The following RBFOX1 variants were observed in gnomAD, a reference collection of about 807,000 sequenced individuals.
RBFOX1 encodes the protein RNA binding fox-1 homolog 1, also known as RNA binding protein fox-1 homolog 1.
In RBFOX1, 8 loss-of-function variants were observed where a neutral mutation model predicts 57.7. That is an observed-to-expected ratio of 0.14 (90% CI 0.08 to 0.25). The LOEUF is 0.25. RBFOX1 is among the 10% of genes least tolerant of loss of function. The pLI is 1.00. For synonymous variants in RBFOX1, 326 were observed against 222.4 expected (o/e 1.47, Z -4.15); for missense variants, 611 against 548.5 (o/e 1.11, Z -1.14).
intron 3 of RBFOX1, among the ~76,000 whole-genome samples, chr16:7,049,601 C>A (rs1568538636): frequency 6.6e-6 from 1 of 152,132 alleles, no homozygotes; most frequent in Non-Finnish European, 1.5e-5. Context: ...CCCTTGGCTA[C>A]CTTGCACCCA....
chr16:7,552,962 T>A (rs1021051031), intron 5 of RBFOX1, among the ~76,000 whole-genome samples: 2 of 151,140 alleles, frequency 1.3e-5, no homozygotes, highest in African/African-American at 4.9e-5. Context: ...GGATTACAGG[T>A]GTGAGCCACT....
At chr16:6,974,130 G>T (rs2086225708) in intron 3 of RBFOX1, among the ~76,000 whole-genome samples, 1 of 152,020 alleles carries the variant, frequency 6.6e-6, no homozygotes, top group South Asian at 2.1e-4. Context: ...TGGCTGCATA[G>T]AATTCCGTGG....
intron 1 of RBFOX1, among the ~76,000 whole-genome samples, chr16:6,206,288 G>A (rs1446329867): frequency 3.3e-5 from 5 of 151,964 alleles, no homozygotes; most frequent in Admixed American, 6.6e-5. Flanking sequence ...TACCTGGGCC[G>A]CTCTTTCCTG....
intron 11 of RBFOX1, among the ~76,000 whole-genome samples, chr16:7,646,929 T>TGGAGGTG (rs886640209): frequency 4.6e-5 from 7 of 151,956 alleles, no homozygotes; most frequent in African/African-American, 1.7e-4. Context: ...CAGGGCTCAT[T>TGGAGGTG]GGAGGTGGGA....
At chr16:7,501,967 C>T (rs537345515) in intron 4 of RBFOX1, among the ~76,000 whole-genome samples, 1 of 152,190 alleles carries the variant, frequency 6.6e-6, no homozygotes, top group Non-Finnish European at 1.5e-5. Context: ...TACTCAATAC[C>T]TAACTCCTGA....
intron 3 of RBFOX1, among the ~76,000 whole-genome samples, chr16:6,930,717 C>G (rs1027175509): frequency 4.6e-5 from 7 of 152,070 alleles, no homozygotes; most frequent in Non-Finnish European, 7.4e-5. Context: ...GCCTAATTCC[C>G]CGTTTTTAAA....
intron 3 of RBFOX1, among the ~76,000 whole-genome samples, chr16:5,709,186 A>C (rs2051360937): frequency 6.6e-6 from 1 of 152,170 alleles, no homozygotes; most frequent in Non-Finnish European, 1.5e-5. Context: ...GGCTCCAGTG[A>C]GAGATAGATT....
chr16:6,076,332 G>T (rs183328613), intron 1 of RBFOX1, among the ~76,000 whole-genome samples: 31 of 148,366 alleles, frequency 2.1e-4, no homozygotes, highest in South Asian at 6.4e-4. Flanking sequence ...ACAAACACAC[G>T]CGCACACACA....
At chr16:6,337,383 A>C (rs2083913660) in intron 2 of RBFOX1, among the ~76,000 whole-genome samples, 1 of 152,216 alleles carries the variant, frequency 6.6e-6, no homozygotes, top group Non-Finnish European at 1.5e-5. Context: ...CATCAACCTG[A>C]AAAGCCAAAG....
At chr16:5,372,965 A>G (rs189084863) in intron 1 of RBFOX1, among the ~76,000 whole-genome samples, 3 of 152,344 alleles carry the variant, frequency 2.0e-5, no homozygotes, top group Non-Finnish European at 2.9e-5. Flanking sequence ...CTTTCCAGAC[A>G]CAGGCTAGCT....
chr16:5,936,701 C>T (rs1043134101), intron 4 of RBFOX1, among the ~76,000 whole-genome samples: 6 of 152,206 alleles, frequency 3.9e-5, no homozygotes. Context: ...CTTCCTACCT[C>T]ACCTAAATCA....
At chr16:7,084,002 C>T (rs1179318741) in intron 4 of RBFOX1, among the ~76,000 whole-genome samples, 2 of 152,088 alleles carry the variant, frequency 1.3e-5, no homozygotes, top group Non-Finnish European at 2.9e-5. Flanking sequence ...TACCCTGTGA[C>T]CTGTTAAAGG....
At chr16:6,048,929 A>G (rs942919318) in intron 1 of RBFOX1, among the ~76,000 whole-genome samples, 2 of 151,950 alleles carry the variant, frequency 1.3e-5, no homozygotes, top group African/African-American at 4.8e-5. Flanking sequence ...AGTTCTAGCT[A>G]TAGCATGACT....
At chr16:7,430,145 A>G (rs17143669) in intron 4 of RBFOX1, among the ~76,000 whole-genome samples, 5,742 of 152,304 alleles carry the variant, frequency 0.038, 156 homozygotes, top group African/African-American at 0.078. Context: ...CAACCAAATG[A>G]GCTTATCATT....
At chr16:5,685,621 G>A (rs567378950) in intron 3 of RBFOX1, among the ~76,000 whole-genome samples, 3 of 152,258 alleles carry the variant, frequency 2.0e-5, no homozygotes, top group African/African-American at 4.8e-5. Context: ...TTTCATATAA[G>A]TTAATCCATT....
intron 3 of RBFOX1, among the ~76,000 whole-genome samples, chr16:6,697,148 G>A (rs182625992): frequency 1.3e-5 from 2 of 152,146 alleles, no homozygotes; most frequent in Non-Finnish European, 2.9e-5. Flanking sequence ...GGATTGACTA[G>A]AGAAATAGGG....
intron 3 of RBFOX1, among the ~76,000 whole-genome samples, chr16:5,614,716 A>G (rs2047956480): frequency 6.6e-6 from 1 of 152,226 alleles, no homozygotes; most frequent in African/African-American, 2.4e-5. Flanking sequence ...CAGGAAGAAG[A>G]CACATTTATT....
chr16:6,673,944 G>T (rs1410413712), intron 3 of RBFOX1, among the ~76,000 whole-genome samples: 2 of 152,266 alleles, frequency 1.3e-5, no homozygotes, highest in East Asian at 3.9e-4. Context: ...GAATGGATCT[G>T]CACACCTCCA....
intron 2 of RBFOX1, among the ~76,000 whole-genome samples, chr16:6,506,865 C>G (rs1289904581): frequency 6.6e-6 from 1 of 152,106 alleles, no homozygotes; most frequent in Non-Finnish European, 1.5e-5. Context: ...CCAGGCTGGT[C>G]TCAAACTCCT....
Sources: allele counts gnomAD v4.1 joint callset (sites outside exome capture counted in the v4.1 genomes callset), GRCh38; gene constraint gnomAD v4.1.1; transcripts MANE v1.5; gene names NCBI Gene and HGNC (gene_info 2026-07-23, HGNC 2026-07-21).